The following GPR89B variants were observed in gnomAD, a reference collection of about 807,000 sequenced individuals.
GPR89B encodes the protein G protein-coupled receptor 89B.
A neutral mutation model predicts 52.4 loss-of-function variants in GPR89B; 25 were observed. The ratio of observed to expected loss-of-function variants is 0.48; its 90% CI spans 0.35 to 0.67. The LOEUF is 0.67. Among genes scored for constraint, GPR89B ranks in the 30% least tolerant of loss-of-function variants. The pLI is 0.01. For synonymous variants in GPR89B, 52 were observed against 151.2 expected, an observed-to-expected ratio of 0.34 and a Z score of 4.81; for missense variants, 146 against 450.2, an observed-to-expected ratio of 0.32 and a Z score of 6.11.
chr1:148,007,334 C>T, the GPR89B span, among the ~76,000 whole-genome samples: 1 of 152,176 alleles, frequency 6.6e-6, no homozygotes, highest in East Asian at 1.9e-4. Flanking sequence ...CTCGGCCTCC[C>T]AAAGTGCTGG....
chr1:148,019,026 G>GGGTGCAGTGGCCAGATCTC, the GPR89B span, among the ~76,000 whole-genome samples: 20 of 151,278 alleles, frequency 1.3e-4, no homozygotes, highest in Non-Finnish European at 2.5e-4. Flanking sequence ...CACCAGGCTG[G>GGGTGCAGTGGCCAGATCTC]GGTGCAGTGG....
intron 7 of GPR89B, among the ~76,000 whole-genome samples, chr1:147,962,589 C>G (rs1352111156): frequency 6.6e-6 from 1 of 151,636 alleles, no homozygotes; most frequent in Non-Finnish European, 1.5e-5. Context: ...AAATCTAAGT[C>G]TTACACCTTA....
At chr1:147,995,471 C>T (rs1182600223), downstream of GPR89B, 4 of 1,083,978 alleles carry the variant, frequency 3.7e-6, no homozygotes, top group Non-Finnish European at 4.0e-6. Flanking sequence ...TGTTAGTTAT[C>T]TTTACATTGT....
chr1:147,941,076 G>C (rs373787014), intron 3 of GPR89B, among the ~76,000 whole-genome samples: 5 of 149,876 alleles, frequency 3.3e-5, no homozygotes, highest in East Asian at 2.0e-4. Context: ...ATGTATAACT[G>C]TCCATTGACT....
chr1:147,991,006 G>T (rs1376750077), intron 12 of GPR89B, among the ~76,000 whole-genome samples: 1 of 151,640 alleles, frequency 6.6e-6, no homozygotes, highest in Non-Finnish European at 1.5e-5. Context: ...TAGCTTGATG[G>T]GGATGGCATT....
rs1658643788 is a variant in GPR89B at position 147,986,053 on chromosome 1, A to T, written c.910-146A>T. ...AGTATCCGAAATAGATTTCCTATAT[A>T]TGATTTGGATTAAGAGTAGAATTGC... On this transcript the variant is annotated intron_variant, in intron 10 of 13. Transcript: ENST00000314163. The T allele has an allele frequency of 4.6e-5, 71 of 1,528,272 alleles. 1 individual carries two copies. In the South Asian group the frequency reaches 7.5e-4, roughly 16 times the overall value. The allele number at this position is 1,528,272 out of a possible 1,614,324, so 94.7% of individuals were successfully genotyped here.
intron 7 of GPR89B, among the ~76,000 whole-genome samples, chr1:147,966,066 T>TCG (rs1657011369): frequency 6.6e-6 from 1 of 151,746 alleles, no homozygotes; most frequent in Non-Finnish European, 1.5e-5. Flanking sequence ...ATGCTGGTCT[T>TCG]GAACTCCCAA....
At chr1:147,950,159 G>A (rs1553250752) in intron 5 of GPR89B, among the ~76,000 whole-genome samples, 1 of 143,348 alleles carries the variant, frequency 7.0e-6, no homozygotes, top group African/African-American at 2.6e-5. Context: ...CGGGCGGAGG[G>A]GCTCCTCACT....
At chr1:148,021,097 T>C in the GPR89B span, among the ~76,000 whole-genome samples, 78 of 152,152 alleles carry the variant, frequency 5.1e-4, no homozygotes, top group African/African-American at 1.3e-3. Flanking sequence ...GCGACTTTTA[T>C]CGTCTCTGCT....
chr1:148,020,452 C>G, the GPR89B span, among the ~76,000 whole-genome samples: 1 of 151,076 alleles, frequency 6.6e-6, no homozygotes, highest in African/African-American at 2.5e-5. Context: ...CTTTCCAAGG[C>G]TGCACAGCTC....
intron 12 of GPR89B, among the ~76,000 whole-genome samples, chr1:147,992,247 CAT>C (rs1659123240): frequency 6.8e-6 from 1 of 146,272 alleles, no homozygotes; most frequent in Admixed American, 6.9e-5. Context: ...ATATGTATCA[CAT>C]AGTTTCTGAA....
intron 10 of GPR89B, among the ~76,000 whole-genome samples, chr1:147,984,634 G>C (rs1658532413): frequency 6.7e-6 from 1 of 149,820 alleles, no homozygotes; most frequent in Non-Finnish European, 1.5e-5. Context: ...GGAGATCTTT[G>C]CTGATATAGG....
chr1:148,020,998 T>C, the GPR89B span, among the ~76,000 whole-genome samples: 10 of 151,644 alleles, frequency 6.6e-5, no homozygotes, highest in East Asian at 2.0e-3. Flanking sequence ...GGAATTTATC[T>C]AAGCCGAGAC....
chr1:147,940,335 A>G (rs1202178765), intron 3 of GPR89B, among the ~76,000 whole-genome samples: 12 of 151,872 alleles, frequency 7.9e-5, no homozygotes, highest in African/African-American at 1.7e-4. Flanking sequence ...CCCAGGAGGC[A>G]GAGCTTGCAG....
chr1:147,970,218 G>A (rs1390268700), intron 10 of GPR89B, among the ~76,000 whole-genome samples: 1 of 151,832 alleles, frequency 6.6e-6, no homozygotes, highest in Admixed American at 6.6e-5. Context: ...AATTGAGGCC[G>A]GGCATGGTGG....
At chr1:147,965,882 T>C (rs1656995668) in intron 7 of GPR89B, among the ~76,000 whole-genome samples, 1 of 151,996 alleles carries the variant, frequency 6.6e-6, no homozygotes, top group Admixed American at 6.6e-5. Flanking sequence ...AGTCTCACTC[T>C]GTCACCTGGG....
At chr1:147,977,865 A>G (rs1175146742) in intron 10 of GPR89B, among the ~76,000 whole-genome samples, 107 of 150,894 alleles carry the variant, frequency 7.1e-4, no homozygotes, top group Non-Finnish European at 1.1e-3. Context: ...TAAACGGGTT[A>G]TTCTGGTTAA....
In GPR89B at chr1:147,928,453, A is replaced by C. The variant is rs1361937042; in HGVS notation, c.-84A>C. The C allele has an allele frequency of 9.7e-6, 15 of 1,545,612 alleles. No individual in the cohort carries two copies. Among genetic ancestry groups the C allele is most frequent in the African/African-American group, 5.5e-5 (4 of 73,090 alleles). On this transcript the variant is annotated 5_prime_UTR_variant, in exon 1 of 14. Transcript: ENST00000314163. ...GGCTGCAGCACCTGGGAGAAGGCAGACCGTGTGAGGGGGCCTGTGGCCCCA... is the reference window on the plus strand; with the variant it reads ...GGCTGCAGCACCTGGGAGAAGGCAGCCCGTGTGAGGGGGCCTGTGGCCCCA...
the GPR89B span, among the ~76,000 whole-genome samples, chr1:148,018,495 A>G: frequency 6.6e-6 from 1 of 151,442 alleles, no homozygotes; most frequent in Admixed American, 6.6e-5. Flanking sequence ...CAGAAATCAT[A>G]CAATGAGGTG....
Sources: allele counts gnomAD v4.1 joint callset (sites outside exome capture counted in the v4.1 genomes callset), GRCh38; gene constraint gnomAD v4.1.1; transcripts MANE v1.5; gene names NCBI Gene and HGNC (gene_info 2026-07-23, HGNC 2026-07-21).